Variants in CNTN4 observed in about 807,000 individuals in gnomAD.
CNTN4 encodes contactin-4.
A neutral mutation model predicts 122.5 loss-of-function variants in CNTN4; 77 were observed. That is an observed-to-expected ratio of 0.63 (90% CI 0.52 to 0.76). CNTN4 has a LOEUF of 0.76. CNTN4 is among the 30% of genes least tolerant of loss of function. CNTN4 has a pLI of 0.00. For synonymous variants in CNTN4, 512 were observed against 447.0 expected, an observed-to-expected ratio of 1.15 and a Z score of -1.83; for missense variants, 1,256 against 1,259.1, an observed-to-expected ratio of 1.00 and a Z score of 0.04.
At chr3:2,818,267 A>G (rs748699479) in intron 6 of CNTN4, among the ~76,000 whole-genome samples, 1 of 152,252 alleles carries the variant, frequency 6.6e-6, no homozygotes, top group Non-Finnish European at 1.5e-5. Context: ...GAATCTGGTA[A>G]TTAAGACATG....
chr3:2,495,651 C>T (rs914143596), intron 3 of CNTN4, among the ~76,000 whole-genome samples: 4 of 152,238 alleles, frequency 2.6e-5, no homozygotes, highest in East Asian at 1.9e-4. Flanking sequence ...GGAGTGCGAA[C>T]CCTATTGTGA....
intron 10 of CNTN4, among the ~76,000 whole-genome samples, chr3:2,893,905 T>C (rs902594445): frequency 3.9e-5 from 6 of 152,196 alleles, no homozygotes; most frequent in East Asian, 1.9e-4. Flanking sequence ...TGAAAAATTA[T>C]TGGATACCTC....
intron 3 of CNTN4, among the ~76,000 whole-genome samples, chr3:2,512,070 CATGCCTGTATAAAAGAA>C (rs1408183995): frequency 6.6e-6 from 1 of 152,054 alleles, no homozygotes. Flanking sequence ...TCTTTATATG[CATGCCTGTATAAAAGAA>C]GTGCCTGTAT....
intron 4 of CNTN4, among the ~76,000 whole-genome samples, chr3:2,729,563 AG>A (rs1282504472): frequency 5.4e-5 from 8 of 148,338 alleles, no homozygotes; most frequent in East Asian, 2.0e-4. Flanking sequence ...AAAAAAAAAA[AG>A]AAGAGAAAAG....
chr3:2,417,768 G>A (rs184474187), intron 3 of CNTN4, among the ~76,000 whole-genome samples: 2 of 152,202 alleles, frequency 1.3e-5, no homozygotes, highest in East Asian at 3.9e-4. Flanking sequence ...AGTAAACTGT[G>A]GTACACCTAG....
rs150215015 is a variant in CNTN4 at position 2,169,441 on chromosome 3, C to G, written c.-145+68802C>G. On this transcript the variant is annotated intron_variant, in intron 2 of 24. Coordinates refer to ENST00000418658, the MANE Select transcript of CNTN4 (RefSeq NM_175607.3). The stretch of plus-strand genomic sequence containing the variant: ...TTTTTTTTTGAGACGGAGTCTGGCT[C>G]TGTCACTCAGGCTGGAGTGCGGTGG... Among the ~76,000 whole-genome samples the G allele has an allele frequency of 6.3e-3, 952 of 151,802 alleles. 9 individuals carry two copies. Among genetic ancestry groups the G allele is most frequent in the African/African-American group, 0.021 (883 of 41,448 alleles).
chr3:2,391,040 A>G (rs781628082), intron 3 of CNTN4, among the ~76,000 whole-genome samples: 2 of 152,210 alleles, frequency 1.3e-5, no homozygotes, highest in African/African-American at 4.8e-5. Flanking sequence ...GCAGATTCCA[A>G]ATAGCTGGAC....
chr3:3,033,412 G>A (rs4685592), intron 16 of CNTN4, among the ~76,000 whole-genome samples: 97,366 of 152,062 alleles, frequency 0.64, 31,604 homozygotes, highest in Middle Eastern at 0.71. Context: ...AAAAGGAAAG[G>A]GAATTTAGGG....
intron 4 of CNTN4, among the ~76,000 whole-genome samples, chr3:2,656,114 A>G (rs1349692118): frequency 2.0e-5 from 3 of 152,234 alleles, no homozygotes; most frequent in Non-Finnish European, 4.4e-5. Context: ...GAGTAGCACC[A>G]TGCATCCTAG....
At chr3:2,954,673 G>C (rs2094780441) in intron 13 of CNTN4, among the ~76,000 whole-genome samples, 1 of 151,854 alleles carries the variant, frequency 6.6e-6, no homozygotes, top group African/African-American at 2.4e-5. Flanking sequence ...GGATAGCAAA[G>C]ACCTACAGCT....
At position 2,741,129 on chromosome 3, in the gene CNTN4, T is replaced by C. The variant is rs1516396; in HGVS notation, c.183-4393T>C. ...CTATTAAGCAGCTGCAATGTACCAG[T>C]CAGCATGCTAGGTCTGAGTATTCAA... On this transcript the variant is annotated intron_variant, in intron 5 of 24. Transcript: ENST00000418658. 9.9e-5 allele frequency among the ~76,000 whole-genome samples: 15 copies of C among 152,280 alleles called. 1 individual carries two copies. Among genetic ancestry groups the C allele is most frequent in the Middle Eastern group, 6.8e-3 (2 of 294 alleles).
rs543364161 is a variant in CNTN4 at position 2,328,336 on chromosome 3, G to A, written c.-144-10842G>A. On this transcript the variant is annotated intron_variant, in intron 2 of 24. Coordinates refer to ENST00000418658, the MANE Select transcript of CNTN4 (RefSeq NM_175607.3). ...CAGGAGAATGGCGGGAACCCGGGAG[G>A]CGGAGCTTGCGGTGAGCCAAGATGG... is the stretch of plus-strand genomic sequence containing the variant. 1.1e-3 allele frequency among the ~76,000 whole-genome samples: 162 copies of A among 150,626 alleles called. 1 individual carries two copies. Among genetic ancestry groups the A allele is most frequent in the African/African-American group, 3.8e-3 (155 of 41,272 alleles).
At position 2,925,650 on chromosome 3, in the gene CNTN4, G is replaced by C. The variant is rs1309135782; in HGVS notation, c.1229G>C (p.Arg410Thr). Reference protein sequence around the residue: ...SVIAVGPDFSRTLLKRVTLVK... With the variant: ...SVIAVGPDFSTTLLKRVTLVK... ...TCAGCTGTAGGTCCAGATTTTTCAAGAACACTCTTGAAAAGAGTAACTCTT... is the reference window on the plus strand; with the variant it reads ...TCAGCTGTAGGTCCAGATTTTTCAACAACACTCTTGAAAAGAGTAACTCTT... The change falls in exon 13 of 25, where the codon AGA becomes ACA. Residue 410 changes from arginine to threonine, a missense_variant. Physicochemically the swap from Arg to Thr is moderately conservative, Grantham distance 71. Transcript: ENST00000418658. 1 of 1,613,780 alleles carries C rather than the reference G, an allele frequency of 6.2e-7. No individual in the cohort carries two copies. The highest frequency in any genetic ancestry group is 2.2e-5 in the East Asian group (1 of 44,880).
chr3:2,369,428 C>A (rs1388787480), intron 3 of CNTN4, among the ~76,000 whole-genome samples: 1 of 152,096 alleles, frequency 6.6e-6, no homozygotes, highest in Non-Finnish European at 1.5e-5. Flanking sequence ...TGTATTATTT[C>A]TTCTAAGTAT....
At chr3:2,924,345 C>G (rs1193453652) in intron 12 of CNTN4, among the ~76,000 whole-genome samples, 1 of 151,996 alleles carries the variant, frequency 6.6e-6, no homozygotes, top group Non-Finnish European at 1.5e-5. Context: ...ACACACACCT[C>G]AAGTTCTCCT....
intron 4 of CNTN4, among the ~76,000 whole-genome samples, chr3:2,687,679 C>G (rs1037736922): frequency 1.3e-5 from 2 of 152,172 alleles, no homozygotes; most frequent in Admixed American, 6.6e-5. Flanking sequence ...AAACATATAT[C>G]TATGCCTTTG....
intron 13 of CNTN4, among the ~76,000 whole-genome samples, chr3:2,981,907 G>A (rs1339994362): frequency 1.3e-5 from 2 of 151,952 alleles, no homozygotes; most frequent in South Asian, 2.1e-4. Flanking sequence ...TTAGCTAGAC[G>A]TGGGGGTACA....
intron 5 of CNTN4, among the ~76,000 whole-genome samples, chr3:2,742,177 G>A (rs897266161): frequency 7.1e-5 from 8 of 112,050 alleles, no homozygotes; most frequent in Non-Finnish European, 3.7e-5. Context: ...AGTCTCCATG[G>A]GGATCTTCAG....
At chr3:2,643,120 A>G (rs532679817) in intron 4 of CNTN4, among the ~76,000 whole-genome samples, 6 of 152,318 alleles carry the variant, frequency 3.9e-5, no homozygotes, top group Admixed American at 2.6e-4. Context: ...ATCTCTATGT[A>G]TTAATCTCTT....
Sources: allele counts gnomAD v4.1 joint callset (sites outside exome capture counted in the v4.1 genomes callset), GRCh38; gene constraint gnomAD v4.1.1; transcripts MANE v1.5; gene names NCBI Gene and HGNC (gene_info 2026-07-23, HGNC 2026-07-21).